Variants in RANBP17 observed in about 807,000 individuals in gnomAD.
RANBP17 encodes ran-binding protein 17.
In RANBP17, 158 loss-of-function variants were observed where a neutral mutation model predicts 141.2. That is an observed-to-expected ratio of 1.12 (90% CI 0.98 to 1.28). The LOEUF (loss-of-function observed/expected upper bound fraction) is 1.28. RANBP17 is among the 50% of genes most tolerant of loss of function. The pLI is 0.00. For synonymous variants in RANBP17, 430 were observed against 450.0 expected (o/e 0.96, Z 0.56); for missense variants, 1,438 against 1,290.7 (o/e 1.11, Z -1.75).
intron 16 of RANBP17, among the ~76,000 whole-genome samples, chr5:171,177,010 A>T (rs894363807): frequency 6.6e-6 from 1 of 152,204 alleles, no homozygotes; most frequent in African/African-American, 2.4e-5. Flanking sequence ...TGCTTTTGTG[A>T]AACAGTATTA....
At chr5:171,190,566 G>A (rs542143550) in intron 18 of RANBP17, among the ~76,000 whole-genome samples, 1 of 152,238 alleles carries the variant, frequency 6.6e-6, no homozygotes, top group South Asian at 2.1e-4. Context: ...GTGCATGTGT[G>A]TTAGCCCTTC....
intron 14 of RANBP17, among the ~76,000 whole-genome samples, chr5:170,974,097 T>C (rs1777191184): frequency 6.6e-6 from 1 of 152,152 alleles, no homozygotes; most frequent in Admixed American, 6.5e-5. Context: ...GTCCCCAAAG[T>C]CTTAGTTTAT....
chr5:171,228,771 G>A (rs1764026798), intron 22 of RANBP17, among the ~76,000 whole-genome samples: 1 of 152,136 alleles, frequency 6.6e-6, no homozygotes, highest in African/African-American at 2.4e-5. Flanking sequence ...CTTCCACCAG[G>A]AAAACGATTA....
chr5:171,022,021 T>C (rs893293925), intron 14 of RANBP17, among the ~76,000 whole-genome samples: 2 of 152,138 alleles, frequency 1.3e-5, no homozygotes, highest in African/African-American at 4.8e-5. Context: ...GTTTCAATAT[T>C]CAGGTCCCTC....
intron 14 of RANBP17, among the ~76,000 whole-genome samples, chr5:171,059,337 T>C (rs1382587145): frequency 1.3e-5 from 2 of 152,260 alleles, no homozygotes; most frequent in Non-Finnish European, 2.9e-5. Context: ...AATTAATTTT[T>C]GTTTAAGGTA....
intron 21 of RANBP17, among the ~76,000 whole-genome samples, chr5:171,219,699 G>A (rs1376327687): frequency 2.6e-5 from 4 of 151,508 alleles, no homozygotes; most frequent in Non-Finnish European, 4.4e-5. Context: ...TGATACTTGT[G>A]TATGCTTCAC....
intron 14 of RANBP17, among the ~76,000 whole-genome samples, chr5:171,013,124 C>G (rs1384706244): frequency 6.6e-6 from 1 of 152,186 alleles, no homozygotes; most frequent in Non-Finnish European, 1.5e-5. Flanking sequence ...TGCAATAATA[C>G]TGATGCACAT....
At chr5:170,873,422 G>A (rs924700882) in intron 1 of RANBP17, among the ~76,000 whole-genome samples, 1 of 152,200 alleles carries the variant, frequency 6.6e-6, no homozygotes, top group Non-Finnish European at 1.5e-5. Context: ...AGAAAGAATG[G>A]TATCAGCTCC....
chr5:170,974,496 G>T (rs906437682), intron 14 of RANBP17, among the ~76,000 whole-genome samples: 9 of 152,160 alleles, frequency 5.9e-5, no homozygotes, highest in Admixed American at 2.0e-4. Context: ...TTGGGTGCTT[G>T]CTGCTCTCCC....
intron 14 of RANBP17, among the ~76,000 whole-genome samples, chr5:171,054,821 T>G (rs972162559): frequency 6.6e-6 from 1 of 152,042 alleles, no homozygotes; most frequent in African/African-American, 2.4e-5. Context: ...ATCTTAAGGG[T>G]TGTAGAGGGA....
chr5:171,052,135 A>T (rs1360366530), intron 14 of RANBP17, among the ~76,000 whole-genome samples: 1 of 151,984 alleles, frequency 6.6e-6, no homozygotes, highest in Non-Finnish European at 1.5e-5. Context: ...AGTGTTGTTT[A>T]TACATTCTGG....
chr5:171,089,197 G>A (rs1321821077), intron 14 of RANBP17, among the ~76,000 whole-genome samples: 9 of 142,026 alleles, frequency 6.3e-5, no homozygotes, highest in Non-Finnish European at 7.8e-5. Flanking sequence ...CTCAGCTGCA[G>A]GTCTGTTGGA....
At chr5:170,916,643 A>C (rs1157501505) in intron 9 of RANBP17, 59 bp downstream of exon 9, 2 of 1,094,184 alleles carry the variant, frequency 1.8e-6, no homozygotes, top group Non-Finnish European at 2.6e-6. Flanking sequence ...AGCTAAAGGC[A>C]CATAATAAAC....
chr5:171,052,705 T>C (rs895310470), intron 14 of RANBP17, among the ~76,000 whole-genome samples: 1 of 152,228 alleles, frequency 6.6e-6, no homozygotes, highest in Non-Finnish European at 1.5e-5. Flanking sequence ...TTCAGGACTC[T>C]TTCCAATTGC....
chr5:171,095,725 C>G (rs1786638500), intron 14 of RANBP17, among the ~76,000 whole-genome samples: 1 of 151,922 alleles, frequency 6.6e-6, no homozygotes, highest in South Asian at 2.1e-4. Context: ...TATAGTTCAC[C>G]CTTGAACAAC....
At chr5:171,283,421 A>T (rs777083646) in intron 25 of RANBP17, among the ~76,000 whole-genome samples, 1 of 152,216 alleles carries the variant, frequency 6.6e-6, no homozygotes, top group Non-Finnish European at 1.5e-5. Context: ...TCCTTGGGCT[A>T]TGTAATTATT....
At chr5:170,912,528 A>G (rs1014411343) in intron 7 of RANBP17, among the ~76,000 whole-genome samples, 1 of 151,980 alleles carries the variant, frequency 6.6e-6, no homozygotes, top group Non-Finnish European at 1.5e-5. Flanking sequence ...GAATATGCCC[A>G]GAGAGATGTT....
At chr5:171,103,452 C>A (rs1048419938) in intron 14 of RANBP17, among the ~76,000 whole-genome samples, 11 of 152,252 alleles carry the variant, frequency 7.2e-5, no homozygotes, top group Non-Finnish European at 1.0e-4. Context: ...CCCCTCCCCC[C>A]ACAAAGCTCA....
At chr5:171,229,465 G>T (rs747793773) in intron 22 of RANBP17, among the ~76,000 whole-genome samples, 1 of 151,998 alleles carries the variant, frequency 6.6e-6, no homozygotes, top group African/African-American at 2.4e-5. Flanking sequence ...CACGATCTTA[G>T]CTCATTGCAA....
Sources: gnomAD v4.1 joint callset for allele counts (sites outside exome capture counted in the v4.1 genomes callset) on GRCh38, gnomAD v4.1.1 for gene constraint, MANE v1.5 for transcripts, NCBI Gene and HGNC (gene_info 2026-07-23, HGNC 2026-07-21) for gene names.